The following RYR3 variants were observed in gnomAD, a reference collection of about 807,000 sequenced individuals.
The protein encoded by RYR3 is ryanodine receptor 3.
In RYR3, 207 loss-of-function variants were observed where a neutral mutation model predicts 584.3. The ratio of observed to expected loss-of-function variants is 0.35; its 90% CI spans 0.32 to 0.40. The LOEUF is 0.40. Among genes scored for constraint, RYR3 ranks in the 10% least tolerant of loss-of-function variants. The probability of loss-of-function intolerance (pLI) is 1.00; values close to 1 mark genes in which losing one functional copy is unlikely to be tolerated. For missense variants in RYR3, 5,616 were observed against 6,089.2 expected (o/e 0.92, Z 2.59); for synonymous variants, 2,416 against 2,248.5 (o/e 1.07, Z -2.11).
At chr15:33,767,605 TG>T (rs2073204287) in intron 60 of RYR3, among the ~76,000 whole-genome samples, 1 of 152,242 alleles carries the variant, frequency 6.6e-6, no homozygotes, top group Non-Finnish European at 1.5e-5. Context: ...AGTTGTCCTA[TG>T]GAAGACTTCT....
At chr15:33,403,812 C>T (rs942534543) in intron 1 of RYR3, among the ~76,000 whole-genome samples, 2 of 152,134 alleles carry the variant, frequency 1.3e-5, no homozygotes, top group Non-Finnish European at 2.9e-5. Flanking sequence ...TACATTGGTT[C>T]CTCCAGTGCC....
intron 1 of RYR3, among the ~76,000 whole-genome samples, chr15:33,379,666 C>CCTCTCTCTCTCTCTCT (rs72425368): frequency 2.8e-4 from 36 of 129,310 alleles, no homozygotes; most frequent in Middle Eastern, 4.0e-3. Context: ...TGTGTGTGTC[C>CCTCTCTCTCTCTCTCT]CTCTCTCTCT....
At chr15:33,812,309 A>T (rs1016733290) in intron 72 of RYR3, among the ~76,000 whole-genome samples, 1 of 152,174 alleles carries the variant, frequency 6.6e-6, no homozygotes, top group African/African-American at 2.4e-5. Context: ...CAGGAAATCT[A>T]CTAGTAGAGA....
chr15:33,508,548 G>A (rs112044143), intron 3 of RYR3, among the ~76,000 whole-genome samples: 2,383 of 152,290 alleles, frequency 0.016, 21 homozygotes, highest in Non-Finnish European at 0.021. Context: ...GACTCGGGAG[G>A]CTGAGGCAGG....
Position 33,838,419 on chromosome 15 carries a change from G to C in RYR3, c.12439G>C (p.Ala4147Pro). The C allele has an allele frequency of 6.2e-7, 1 of 1,614,018 alleles. No individual in the cohort carries two copies. Among genetic ancestry groups the C allele is most frequent in the Non-Finnish European group, 8.5e-7 (1 of 1,179,900 alleles). ...EPASAFAMACASVKRNVTDFL... is the reference protein window; with the variant it reads ...EPASAFAMACPSVKRNVTDFL... ...GGCCTCTGCATTTGCTATGGCCTGT[G>C]CCTCTGTGAAGAGGAATGTCACCGA... The change falls in exon 89 of 104, where the codon GCC becomes CCC. Residue 4147 changes from alanine (A) to proline (P), a missense_variant. This residue lies in a region of RYR3 where 918 missense variants were observed against 887.4 expected (regional missense o/e 1.03). Transcript: ENST00000634891.
intron 43 of RYR3, among the ~76,000 whole-genome samples, chr15:33,716,775 T>C (rs2067522660): frequency 6.6e-6 from 1 of 152,180 alleles, no homozygotes; most frequent in Non-Finnish European, 1.5e-5. Context: ...GTCCAGAACC[T>C]ACTTAATATA....
rs751533922 is a variant in RYR3, at chr15:33,835,077, T to A, written c.11568+5T>A. 6 of 1,601,166 alleles carry A rather than the reference T, an allele frequency of 3.7e-6. No individual in the cohort carries two copies. The Admixed American group carries it at 6.7e-5, about 18-fold the overall frequency. On this transcript the variant is annotated splice_donor_5th_base_variant and intron_variant, in intron 87 of 103. Transcript: ENST00000634891. ...ATGCAGATGAAACTCTCTCAGGTAC[T>A]GTGGCCCATTCCCTGCACGTGTCAT...
At position 33,780,328 on chromosome 15, in the gene RYR3, C is replaced by T; in HGVS notation, c.9255C>T (p.Pro3085=). 6.8e-6 allele frequency: 11 copies of T among 1,613,820 alleles called. No homozygotes were observed. Among genetic ancestry groups the T allele is most frequent in the Non-Finnish European group, 8.5e-6 (10 of 1,179,796 alleles). ...NPLSVFNTKT[P]RERSILGMPD... is the part of the protein sequence containing the mutation. ...TCTCGGTCTTCAACACCAAAACCCCCAGGGAGAGGTCTAGTAAGTATCTCC... is the reference window on the plus strand; with the variant it reads ...TCTCGGTCTTCAACACCAAAACCCCTAGGGAGAGGTCTAGTAAGTATCTCC... Residue 3085 remains proline, a synonymous_variant, in exon 65 of 104, where the codon CCC becomes CCT. Coordinates refer to ENST00000634891, the MANE Select transcript of RYR3 (RefSeq NM_001036.6).
chr15:33,849,177 C>T (rs146436452), intron 94 of RYR3: 1 of 152,130 alleles, frequency 6.6e-6, no homozygotes, highest in African/African-American at 2.4e-5. Flanking sequence ...TGGTAAGAGA[C>T]CTCGTCTTAA....
intron 38 of RYR3, among the ~76,000 whole-genome samples, chr15:33,682,297 C>G (rs1175973611): frequency 6.6e-6 from 1 of 152,058 alleles, no homozygotes; most frequent in Non-Finnish European, 1.5e-5. Flanking sequence ...TAAAGACCCT[C>G]TAACTCTTTG....
chr15:33,621,985 TAC>T (rs2060748529), intron 19 of RYR3, among the ~76,000 whole-genome samples: 1 of 152,054 alleles, frequency 6.6e-6, no homozygotes, highest in Admixed American at 6.6e-5. Flanking sequence ...CCTCCACACA[TAC>T]ACTCAGTCCA....
intron 1 of RYR3, among the ~76,000 whole-genome samples, chr15:33,327,745 T>C (rs1188986096): frequency 1.3e-5 from 2 of 152,112 alleles, no homozygotes; most frequent in African/African-American, 2.4e-5. Flanking sequence ...CATCTCTATC[T>C]CTCTCTCTTC....
intron 3 of RYR3, among the ~76,000 whole-genome samples, chr15:33,519,258 T>G (rs1051868651): frequency 2.6e-5 from 4 of 152,144 alleles, no homozygotes; most frequent in African/African-American, 9.7e-5. Flanking sequence ...TCACCACACA[T>G]AGATTTTGTA....
intron 1 of RYR3, among the ~76,000 whole-genome samples, chr15:33,441,368 G>A (rs1472730994): frequency 1.3e-5 from 2 of 152,124 alleles, no homozygotes; most frequent in African/African-American, 4.8e-5. Flanking sequence ...GTCAATGCCT[G>A]TATAGCACAT....
chr15:33,457,596 G>A (rs892383791), intron 1 of RYR3, among the ~76,000 whole-genome samples: 2 of 152,130 alleles, frequency 1.3e-5, no homozygotes, highest in Admixed American at 1.3e-4. Flanking sequence ...GGGGAAAGAG[G>A]ATAAGAGATT....
In RYR3 at chr15:33,331,420, C is replaced by G. The variant is rs141844609; in HGVS notation, c.51+20324C>G. Among the ~76,000 whole-genome samples, 476 of 152,196 alleles carry G rather than the reference C, an allele frequency of 3.1e-3. 1 individual carries two copies. Among genetic ancestry groups the G allele is most frequent in the Middle Eastern group, 0.02 (6 of 294 alleles). The stretch of plus-strand genomic sequence containing the variant: ...TAATTCCACATTTTATAAGGATGCA[C>G]TGAAGCATAGTTTGGTTTAATTAAG... On this transcript the variant is annotated intron_variant, in intron 1 of 103. Coordinates refer to ENST00000634891, the MANE Select transcript of RYR3 (RefSeq NM_001036.6).
At chr15:33,409,873 G>A (rs2043283389) in intron 1 of RYR3, among the ~76,000 whole-genome samples, 1 of 152,134 alleles carries the variant, frequency 6.6e-6, no homozygotes, top group Non-Finnish European at 1.5e-5. Flanking sequence ...GCTAGTTCCT[G>A]TTCTCTTTCT....
intron 11 of RYR3, 91 bp downstream of exon 11, chr15:33,563,101 A>T (rs1238468228): frequency 9.8e-7 from 1 of 1,023,318 alleles, no homozygotes; most frequent in African/African-American, 1.6e-5. Context: ...GGTGGACATG[A>T]TTGTGATTTA....
At chr15:33,645,192 C>T (rs1566860132) in intron 28 of RYR3, among the ~76,000 whole-genome samples, 5 of 152,122 alleles carry the variant, frequency 3.3e-5, no homozygotes, top group South Asian at 4.2e-4. Context: ...TAATCTATCC[C>T]CATCTTCTAA....
Sources: gnomAD v4.1 joint callset for allele counts (sites outside exome capture counted in the v4.1 genomes callset) on GRCh38, gnomAD v4.1.1 for gene constraint, gnomAD v4.1.1 regional missense constraint, MANE v1.5 for transcripts, NCBI Gene and HGNC (gene_info 2026-07-23, HGNC 2026-07-21) for gene names.